Variants in UBE2E1 observed in about 807,000 individuals in gnomAD.
UBE2E1 encodes the protein ubiquitin conjugating enzyme E2 E1, also known as ubiquitin-conjugating enzyme E2 E1.
In UBE2E1, 6 loss-of-function variants were observed where a neutral mutation model predicts 21.4. That is an observed-to-expected ratio of 0.28 (90% confidence interval 0.15 to 0.55). The LOEUF is 0.55. Among genes scored for constraint, UBE2E1 ranks in the 20% least tolerant of loss-of-function variants. The pLI, the probability that UBE2E1 is intolerant of heterozygous loss-of-function variation, is 0.93. For missense variants in UBE2E1, 142 were observed against 236.5 expected, an observed-to-expected ratio of 0.60 and a Z score of 2.62; for synonymous variants, 87 against 82.7, an observed-to-expected ratio of 1.05 and a Z score of -0.28.
intron 3 of UBE2E1, among the ~76,000 whole-genome samples, chr3:23,837,769 G>A (rs1373139286): frequency 2.0e-5 from 3 of 152,136 alleles, no homozygotes; most frequent in South Asian, 2.1e-4. Flanking sequence ...GAGAAGCAGC[G>A]TTTTTACCAC....
intron 3 of UBE2E1, among the ~76,000 whole-genome samples, chr3:23,860,648 A>G (rs866366969): frequency 2.0e-5 from 3 of 152,158 alleles, no homozygotes; most frequent in Non-Finnish European, 4.4e-5. Context: ...GAACTGACTA[A>G]AAGTATTCAT....
intron 3 of UBE2E1, among the ~76,000 whole-genome samples, chr3:23,857,453 A>T (rs1700467410): frequency 6.6e-6 from 1 of 152,224 alleles, no homozygotes; most frequent in South Asian, 2.1e-4. Flanking sequence ...GAATACCAAG[A>T]CAACTGAGAA....
intron 3 of UBE2E1, among the ~76,000 whole-genome samples, chr3:23,846,274 G>A (rs1700200802): frequency 6.6e-6 from 1 of 152,192 alleles, no homozygotes; most frequent in African/African-American, 2.4e-5. Context: ...TCAAGAGTGG[G>A]TAATAGAGCT....
In UBE2E1 at chr3:23,863,280, C is replaced by A. The variant is rs1450978512; in HGVS notation, c.204-24287C>A. ...TTCCTTTATCCTGTTTTGCTTAGAT[C>A]AATGTTGATAAAATATTCACTGTTT... is the stretch of plus-strand genomic sequence containing the variant. On this transcript the variant is annotated intron_variant, in intron 3 of 5. Transcript: ENST00000306627. This position sits in a 1 kb window ranked among gnomAD's most constrained non-coding sequence, Gnocchi z 4.3. Among the ~76,000 whole-genome samples the A allele has an allele frequency of 6.6e-6, 1 of 152,090 alleles. No homozygotes were observed. Among genetic ancestry groups the A allele is most frequent in the African/African-American group, 2.4e-5 (1 of 41,418 alleles).
rs1296500089 is a variant in UBE2E1 at position 23,810,370 on chromosome 3, C to T, written c.153-1090C>T. On this transcript the variant is annotated intron_variant, in intron 2 of 5. Transcript: ENST00000306627. The surrounding 1 kb of genome is among the most constrained non-coding windows in gnomAD (Gnocchi z 5.8). ...CTTGGTGTGAACTGCCTGGTGGCTT[C>T]GGCCTATGAGTGGGGGATGGGGCCC... is the stretch of plus-strand genomic sequence containing the variant. 5 of 1,480,968 alleles carry T rather than the reference C, an allele frequency of 3.4e-6. No homozygotes were observed. In the East Asian group the frequency reaches 7.4e-5, roughly 22 times the overall value. 91.7% of individuals were successfully genotyped at this position (1,480,968 alleles called of 1,614,324 possible).
intron 3 of UBE2E1, among the ~76,000 whole-genome samples, chr3:23,873,240 G>T (rs1700841210): frequency 6.6e-6 from 1 of 152,134 alleles, no homozygotes; most frequent in Non-Finnish European, 1.5e-5. Flanking sequence ...AAATAGTTTT[G>T]ACTTTATGGG....
Position 23,850,969 on chromosome 3 carries a change from A to T in UBE2E1, c.204-36598A>T, listed in dbSNP as rs561480638. Reference sequence around the variant, plus strand: ...CCAAAGTGCTGGGATTACAGGCATGAGCCACCATGCCCAGCCTATTCCTAT... The same window carrying T: ...CCAAAGTGCTGGGATTACAGGCATGTGCCACCATGCCCAGCCTATTCCTAT... On this transcript the variant is annotated intron_variant, in intron 3 of 5. Transcript: ENST00000306627. Among the ~76,000 whole-genome samples the T allele has an allele frequency of 1.9e-3, 293 of 151,650 alleles. 1 individual carries two copies. Among genetic ancestry groups the T allele is most frequent in the Non-Finnish European group, 3.9e-3 (268 of 67,960 alleles).
chr3:23,841,627 C>A (rs1309607446), intron 3 of UBE2E1, among the ~76,000 whole-genome samples: 1 of 152,176 alleles, frequency 6.6e-6, no homozygotes, highest in African/African-American at 2.4e-5. Flanking sequence ...AAATATCATG[C>A]ATTCATCTCT....
In UBE2E1 at chr3:23,863,731, T is replaced by C. The variant is rs1559488738; in HGVS notation, c.204-23836T>C. On this transcript the variant is annotated intron_variant, in intron 3 of 5. Transcript: ENST00000306627. This position sits in a 1 kb window ranked among gnomAD's most constrained non-coding sequence, Gnocchi z 4.3. The stretch of plus-strand genomic sequence containing the variant: ...TTTTAGTAGAGATGGGGTTTCTCCA[T>C]GTTGGTCAGGCTGGTCTCAAACTCC... Among the ~76,000 whole-genome samples, 2 of 152,020 alleles carry C rather than the reference T, an allele frequency of 1.3e-5. No individual in the cohort carries two copies. Among genetic ancestry groups the C allele is most frequent in the Admixed American group, 6.6e-5 (1 of 15,258 alleles).
chr3:23,864,998 T>C (rs966248126), intron 3 of UBE2E1, among the ~76,000 whole-genome samples: 1 of 152,254 alleles, frequency 6.6e-6, no homozygotes, highest in Non-Finnish European at 1.5e-5. Context: ...AATTTCAGAC[T>C]GTCAGGATTT....
At chr3:23,878,473 C>T (rs375243202) in intron 3 of UBE2E1, among the ~76,000 whole-genome samples, 2 of 152,362 alleles carry the variant, frequency 1.3e-5, no homozygotes, top group East Asian at 1.9e-4. Context: ...AGACCCCGTA[C>T]TGGTCCCTGG....
intron 3 of UBE2E1, among the ~76,000 whole-genome samples, chr3:23,845,589 C>CTCTCTGTGTGTGTGTGTGTGTG (rs1553637998): frequency 8.2e-6 from 1 of 121,288 alleles, no homozygotes; most frequent in African/African-American, 3.2e-5. Context: ...CTCTCTCTCT[C>CTCTCTGTGTGTGTGTGTGTGTG]TGTGTGTGTG....
At chr3:23,861,552 A>G (rs1006251089) in intron 3 of UBE2E1, among the ~76,000 whole-genome samples, 1 of 152,002 alleles carries the variant, frequency 6.6e-6, no homozygotes, top group Admixed American at 6.6e-5. Context: ...GACCACTTTG[A>G]CCCGCCACGC....
chr3:23,838,673 T>A lies in UBE2E1; in HGVS notation c.203+27163T>A, dbSNP rs188403028. ...CAGCACTCCTGGCTAAATTTTGTATTTTTAGTAGAAATGGAGTTTCACCAT... is the reference window on the plus strand; with the variant it reads ...CAGCACTCCTGGCTAAATTTTGTATATTTAGTAGAAATGGAGTTTCACCAT... On this transcript the variant is annotated intron_variant, in intron 3 of 5. Coordinates refer to ENST00000306627, the MANE Select transcript of UBE2E1 (RefSeq NM_003341.5). Among the ~76,000 whole-genome samples, 278 of 152,072 alleles carry A rather than the reference T, an allele frequency of 1.8e-3. 1 individual carries two copies. Among genetic ancestry groups the A allele is most frequent in the African/African-American group, 6.3e-3 (261 of 41,508 alleles).
At chr3:23,860,642 T>C (rs1190966974) in intron 3 of UBE2E1, among the ~76,000 whole-genome samples, 2 of 152,218 alleles carry the variant, frequency 1.3e-5, no homozygotes, top group African/African-American at 4.8e-5. Flanking sequence ...TCAAGTGAAC[T>C]GACTAAAAGT....
chr3:23,866,400 C>G (rs929292194), intron 3 of UBE2E1: 1 of 152,218 alleles, frequency 6.6e-6, no homozygotes, highest in Non-Finnish European at 1.5e-5. Flanking sequence ...CCTCCCAGTG[C>G]CACTGTGAAC....
At chr3:23,877,545 G>A (rs1000492469) in intron 3 of UBE2E1, among the ~76,000 whole-genome samples, 3 of 152,116 alleles carry the variant, frequency 2.0e-5, no homozygotes, top group East Asian at 1.9e-4. Context: ...CCTCCCTCCC[G>A]TTTGTGGCAT....
intron 3 of UBE2E1, among the ~76,000 whole-genome samples, chr3:23,833,033 C>A (rs1699902358): frequency 6.6e-6 from 1 of 152,012 alleles, no homozygotes; most frequent in South Asian, 2.1e-4. Context: ...GACCCTGTCT[C>A]AAAAAGTGGG....
At position 23,810,497 on chromosome 3, in the gene UBE2E1, C is replaced by T. The variant is rs773219544; in HGVS notation, c.153-963C>T. 3.9e-6 allele frequency: 6 copies of T among 1,535,444 alleles called. No homozygotes were observed. The Admixed American group carries it at 5.9e-5, about 15-fold the overall frequency. On this transcript the variant is annotated intron_variant, in intron 2 of 5. Transcript: ENST00000306627. The surrounding 1 kb of genome is among the most constrained non-coding windows in gnomAD (Gnocchi z 5.8). Reference sequence around the variant, plus strand: ...GACCATGAAGGAAGTGGGCAGACCCCGGGAAGTTAGAGGACGCCCGGGGAA... The same window carrying T: ...GACCATGAAGGAAGTGGGCAGACCCTGGGAAGTTAGAGGACGCCCGGGGAA...
Sources: allele counts gnomAD v4.1 joint callset (sites outside exome capture counted in the v4.1 genomes callset), GRCh38; gene constraint gnomAD v4.1.1; non-coding constraint Gnocchi (gnomAD v3.1); transcripts MANE v1.5; gene names NCBI Gene and HGNC (gene_info 2026-07-23, HGNC 2026-07-21).